The following EXT2 variants were observed in gnomAD, a reference collection of about 807,000 sequenced individuals.
EXT2 encodes exostosin glycosyltransferase 2.
EXT2 carries 53 observed loss-of-function variants against 81.6 expected under a neutral mutation model. The ratio of observed to expected loss-of-function variants is 0.65; its 90% CI spans 0.52 to 0.82. EXT2 has a LOEUF of 0.82. EXT2 is among the 40% of genes least tolerant of loss of function. The probability of loss-of-function intolerance (pLI) is 0.00; values close to 1 mark genes in which losing one functional copy is unlikely to be tolerated. For synonymous variants in EXT2, 320 were observed against 340.0 expected, an observed-to-expected ratio of 0.94 and a Z score of 0.65; for missense variants, 774 against 910.2, an observed-to-expected ratio of 0.85 and a Z score of 1.93.
At chr11:44,163,198 C>T (rs1214246638) in intron 7 of EXT2, among the ~76,000 whole-genome samples, 3 of 152,018 alleles carry the variant, frequency 2.0e-5, no homozygotes, top group Non-Finnish European at 2.9e-5. Context: ...TTTTTTCCCT[C>T]GAATTTTAAG....
At chr11:44,146,001 GA>G (rs1954711450) in intron 7 of EXT2, among the ~76,000 whole-genome samples, 2 of 152,202 alleles carry the variant, frequency 1.3e-5, no homozygotes, top group African/African-American at 4.8e-5. Context: ...TTAAACAACA[GA>G]AATCTATTTC....
Position 44,244,717 on chromosome 11 carries a change from A to G in EXT2, c.*430A>G, listed in dbSNP as rs1166151642. The stretch of plus-strand genomic sequence containing the variant: ...GGGTACCCAGACCTCACTTTTAGTT[A>G]TTTACATCAATGAGTTCTTTCAGGG... On this transcript the variant is annotated 3_prime_UTR_variant, in exon 14 of 14. Transcript: ENST00000533608. 7 of 267,786 alleles carry G rather than the reference A, an allele frequency of 2.6e-5. No homozygotes were observed. The highest frequency in any genetic ancestry group is 5.1e-5 in the Non-Finnish European group (7 of 138,530). The allele number at this position is 267,786 out of a possible 1,614,324, so 16.6% of individuals were successfully genotyped here.
chr11:44,140,459 G>A (rs1330674274), intron 7 of EXT2, among the ~76,000 whole-genome samples: 1 of 152,154 alleles, frequency 6.6e-6, no homozygotes, highest in African/African-American at 2.4e-5. Context: ...GTAGACTAGA[G>A]GCTGCTCCTG....
intron 7 of EXT2, among the ~76,000 whole-genome samples, chr11:44,148,947 T>G (rs1350552636): frequency 6.6e-6 from 1 of 152,214 alleles, no homozygotes; most frequent in Non-Finnish European, 1.5e-5. Flanking sequence ...TACATTTTTT[T>G]GGGAAATTCC....
intron 10 of EXT2, among the ~76,000 whole-genome samples, chr11:44,224,943 G>A (rs1377913760): frequency 1.3e-5 from 2 of 152,138 alleles, no homozygotes; most frequent in Non-Finnish European, 2.9e-5. Flanking sequence ...TGGTTGTGTA[G>A]GATTTAAAGA....
chr11:44,151,359 A>G (rs1432284353), intron 7 of EXT2, among the ~76,000 whole-genome samples: 1 of 151,982 alleles, frequency 6.6e-6, no homozygotes, highest in African/African-American at 2.4e-5. Context: ...TGCCCTAAAA[A>G]TCCTCTGTGC....
chr11:44,104,952 A>G (rs1207005658), intron 1 of EXT2, among the ~76,000 whole-genome samples: 1 of 152,236 alleles, frequency 6.6e-6, no homozygotes, highest in Non-Finnish European at 1.5e-5. Flanking sequence ...TTAAGCTCAA[A>G]ATGTATGAAT....
chr11:44,190,008 C>A (rs1955370236), intron 8 of EXT2, among the ~76,000 whole-genome samples: 1 of 152,144 alleles, frequency 6.6e-6, no homozygotes, highest in African/African-American at 2.4e-5. Flanking sequence ...CTCCCAGTAA[C>A]CATTAACATA....
At chr11:44,176,228 CT>C (rs1955156274) in intron 8 of EXT2, among the ~76,000 whole-genome samples, 1 of 152,088 alleles carries the variant, frequency 6.6e-6, no homozygotes, top group African/African-American at 2.4e-5. Context: ...GGACTTTATC[CT>C]ATACTTTTAT....
In EXT2 at chr11:44,244,618, A is replaced by G. The variant is rs1289143744; in HGVS notation, c.*331A>G. The G allele has an allele frequency of 2.4e-6, 1 of 420,484 alleles. No individual in the cohort carries two copies. The highest frequency in any genetic ancestry group is 4.4e-6 in the Non-Finnish European group (1 of 225,038). 26.0% of individuals were successfully genotyped at this position (420,484 alleles called of 1,614,324 possible). ...CAGTTCCATGTAACAATCTGGAAGGAAACTTCACGGACAGGAAGACTGCTG... is the reference window on the plus strand; with the variant it reads ...CAGTTCCATGTAACAATCTGGAAGGGAACTTCACGGACAGGAAGACTGCTG... On this transcript the variant is annotated 3_prime_UTR_variant, in exon 14 of 14. Transcript: ENST00000533608.
intron 7 of EXT2, among the ~76,000 whole-genome samples, chr11:44,157,466 C>T (rs924910958): frequency 1.3e-5 from 2 of 152,210 alleles, no homozygotes; most frequent in African/African-American, 4.8e-5. Flanking sequence ...TTTTCCCTCT[C>T]CTTTCCACAT....
chr11:44,195,359 G>A (rs927876417), intron 8 of EXT2, among the ~76,000 whole-genome samples: 7 of 151,860 alleles, frequency 4.6e-5, no homozygotes, highest in South Asian at 2.1e-4. Flanking sequence ...TTTTGAACCC[G>A]GGAGACGGAG....
chr11:44,172,490 CTG>C (rs1431140488), intron 8 of EXT2, among the ~76,000 whole-genome samples: 1 of 152,160 alleles, frequency 6.6e-6, no homozygotes, highest in Admixed American at 6.5e-5. Context: ...CAAGGCATTC[CTG>C]TAAGAGAACT....
chr11:44,176,138 AGGAGAATT>A (rs1312743219), intron 8 of EXT2, among the ~76,000 whole-genome samples: 4 of 152,226 alleles, frequency 2.6e-5, no homozygotes, highest in Admixed American at 2.0e-4. Flanking sequence ...GTTCCTCTGC[AGGAGAATT>A]CATACTGGTG....
rs1956078428 is a variant in EXT2, at chr11:44,244,820, G to T, written c.*533G>T. ...AATGCCTTGGGACCTGGAGTGCTGGGCTTGTGCACAGGAAGAGCACCAGCC... is the reference window on the plus strand; with the variant it reads ...AATGCCTTGGGACCTGGAGTGCTGGTCTTGTGCACAGGAAGAGCACCAGCC... On this transcript the variant is annotated 3_prime_UTR_variant, in exon 14 of 14. Coordinates refer to ENST00000533608, the MANE Select transcript of EXT2 (RefSeq NM_207122.2). 1.2e-5 allele frequency: 3 copies of T among 244,428 alleles called. No homozygotes were observed. In the South Asian group the frequency reaches 4.4e-4, roughly 36 times the overall value. The allele number at this position is 244,428 out of a possible 1,614,324, so 15.1% of individuals were successfully genotyped here.
At chr11:44,240,224 G>T (rs1956021129) in intron 13 of EXT2, among the ~76,000 whole-genome samples, 1 of 152,148 alleles carries the variant, frequency 6.6e-6, no homozygotes, top group Admixed American at 6.5e-5. Context: ...AAAAGCAAAG[G>T]CAGACTCTTG....
At chr11:44,242,245 C>T (rs761463836) in intron 13 of EXT2, among the ~76,000 whole-genome samples, 22 of 152,160 alleles carry the variant, frequency 1.4e-4, no homozygotes, top group African/African-American at 1.9e-4. Flanking sequence ...TATTTACAGG[C>T]GGAACAACAG....
rs1955450861 is a variant in EXT2, at chr11:44,195,957, T to A, written c.1306-1872T>A. 2.0e-5 allele frequency among the ~76,000 whole-genome samples: 3 copies of A among 152,188 alleles called. No homozygotes were observed. In the South Asian group the frequency reaches 6.2e-4, roughly 32 times the overall value. On this transcript the variant is annotated intron_variant, in intron 8 of 13. Coordinates refer to ENST00000533608, the MANE Select transcript of EXT2 (RefSeq NM_207122.2). ...GAACAATGTAATATACCAAAACCAT[T>A]ATATGCTTTAAGTGGGTAGATTGTA...
chr11:44,200,654 G>T (rs1955511880), intron 9 of EXT2, among the ~76,000 whole-genome samples: 1 of 152,194 alleles, frequency 6.6e-6, no homozygotes, highest in African/African-American at 2.4e-5. Flanking sequence ...TTTGAGCCGA[G>T]TTCTAGGACT....
Sources: gnomAD v4.1 joint callset for allele counts (sites outside exome capture counted in the v4.1 genomes callset) on GRCh38, gnomAD v4.1.1 for gene constraint, MANE v1.5 for transcripts, NCBI Gene and HGNC (gene_info 2026-07-23, HGNC 2026-07-21) for gene names.